The following FANCC variants were observed in gnomAD, a reference collection of about 807,000 sequenced individuals.
FANCC encodes the protein FA complementation group C.
A neutral mutation model predicts 71.3 loss-of-function variants in FANCC; 55 were observed. That is an observed-to-expected ratio of 0.77 (90% CI 0.62 to 0.97). The LOEUF is 0.97. Among genes scored for constraint, FANCC ranks in the 50% least tolerant of loss-of-function variants. The pLI is 0.00. For missense variants in FANCC, 678 were observed against 670.9 expected (o/e 1.01, Z -0.12); for synonymous variants, 275 against 244.9 (o/e 1.12, Z -1.15).
chr9:95,293,559 G>A (rs1473575370), intron 1 of FANCC: 13 of 1,612,780 alleles, frequency 8.1e-6, no homozygotes, highest in South Asian at 5.5e-5. Flanking sequence ...TCAGAAGAAC[G>A]GCATTTCTTC....
Position 95,117,328 on chromosome 9 carries a change from C to T in FANCC, c.1059G>A (p.Leu353=), listed in dbSNP as rs1588070620. ...ACCCTAACTCACCTTGAGGGTCTTG[C>T]AGCAGCACCATGGCAAGAGATGGAG... ...YTSPSLAMVL[L]QDPQDIPRGH... The change falls in exon 11 of 15, where the codon CTG becomes CTA. Residue 353 remains leucine (L), a synonymous_variant. Transcript: ENST00000289081. 6.2e-7 allele frequency: 1 copy of T among 1,614,048 alleles called. No individual in the cohort carries two copies. Among genetic ancestry groups the T allele is most frequent in the Non-Finnish European group, 8.5e-7 (1 of 1,180,004 alleles).
chr9:95,165,307 C>A (rs1372397297), intron 6 of FANCC, among the ~76,000 whole-genome samples: 1 of 151,258 alleles, frequency 6.6e-6, no homozygotes, highest in African/African-American at 2.4e-5. Context: ...TTAGTTTGTT[C>A]TTTTTCTAGT....
At chr9:95,144,070 G>A (rs775652429) in intron 7 of FANCC, among the ~76,000 whole-genome samples, 4 of 152,292 alleles carry the variant, frequency 2.6e-5, no homozygotes, top group South Asian at 2.1e-4. Flanking sequence ...GGCTAAACAC[G>A]GGTTAGAGTG....
At chr9:95,126,247 T>G (rs1397803553) in intron 9 of FANCC, among the ~76,000 whole-genome samples, 1 of 152,200 alleles carries the variant, frequency 6.6e-6, no homozygotes, top group Non-Finnish European at 1.5e-5. Context: ...ACATGAATAT[T>G]TCATGATATT....
chr9:95,165,046 A>T (rs544571522), intron 6 of FANCC, among the ~76,000 whole-genome samples: 3 of 151,618 alleles, frequency 2.0e-5, no homozygotes, highest in Admixed American at 1.3e-4. Flanking sequence ...TATTTATTCT[A>T]GGTTATTCAA....
chr9:95,287,254 T>A (rs1833745739), intron 1 of FANCC, among the ~76,000 whole-genome samples: 1 of 152,166 alleles, frequency 6.6e-6, no homozygotes, highest in Non-Finnish European at 1.5e-5. Context: ...TTTTTTATTG[T>A]TTTTTGTTGT....
chr9:95,238,342 T>C (rs961597888), intron 4 of FANCC, among the ~76,000 whole-genome samples: 2 of 152,224 alleles, frequency 1.3e-5, no homozygotes, highest in Non-Finnish European at 2.9e-5. Context: ...CCTAAGTGTA[T>C]CGACATTTAA....
chr9:95,268,140 G>A (rs532197708), intron 1 of FANCC, among the ~76,000 whole-genome samples: 133 of 152,202 alleles, frequency 8.7e-4, no homozygotes, highest in Non-Finnish European at 1.7e-3. Context: ...AGTAACTTTC[G>A]TTTTATACAA....
intron 7 of FANCC, among the ~76,000 whole-genome samples, chr9:95,136,034 T>A (rs1366971659): frequency 6.6e-6 from 1 of 152,192 alleles, no homozygotes; most frequent in African/African-American, 2.4e-5. Context: ...ATTAGCACAG[T>A]GCTTGGCACA....
At chr9:95,244,808 T>C (rs1830860802) in intron 3 of FANCC, among the ~76,000 whole-genome samples, 2 of 149,836 alleles carry the variant, frequency 1.3e-5, no homozygotes, top group African/African-American at 2.5e-5. Flanking sequence ...GATCACAAGA[T>C]GTGATCCAAT....
At chr9:95,311,745 G>GTGTGTGTA (rs1835419261) in intron 1 of FANCC, among the ~76,000 whole-genome samples, 1 of 150,966 alleles carries the variant, frequency 6.6e-6, no homozygotes, top group South Asian at 2.1e-4. Flanking sequence ...GTGTGTGTGT[G>GTGTGTGTA]AAAAACCGCA....
chr9:95,111,378 A>C (rs753743429), intron 13 of FANCC, 85 bp downstream of exon 13: 2 of 1,597,306 alleles, frequency 1.3e-6, no homozygotes, highest in African/African-American at 2.7e-5. Context: ...ATGGAAGCCA[A>C]GCCCACAACA....
intron 4 of FANCC, among the ~76,000 whole-genome samples, chr9:95,235,447 T>C (rs2136017736): frequency 6.6e-6 from 1 of 152,336 alleles, no homozygotes; most frequent in Non-Finnish European, 1.5e-5. Context: ...CACCATAAGT[T>C]ACAGGTGGAT....
chr9:95,271,126 G>A lies in FANCC; in HGVS notation c.-78-21757C>T, dbSNP rs114916392. ...TTTTTGGTTGTCACAGCTGGGAGAA[G>A]GATGTCACTGGCACCCAGTGGGCAG... On this transcript the variant is annotated intron_variant, in intron 1 of 14. Coordinates refer to ENST00000289081, the MANE Select transcript of FANCC (RefSeq NM_000136.3). Among the ~76,000 whole-genome samples, 1,348 of 152,262 alleles carry A rather than the reference G, an allele frequency of 8.9e-3. 23 individuals carry two copies. The highest frequency in any genetic ancestry group is 0.031 in the African/African-American group (1,282 of 41,548).
At chr9:95,247,209 A>AAG (rs1554857723) in intron 3 of FANCC, among the ~76,000 whole-genome samples, 2 of 127,482 alleles carry the variant, frequency 1.6e-5, no homozygotes, top group Admixed American at 1.6e-4. Flanking sequence ...GGGTGCGTGC[A>AAG]CGCGTGTGTG....
At chr9:95,267,289 T>C (rs989482763) in intron 1 of FANCC, among the ~76,000 whole-genome samples, 32 of 152,056 alleles carry the variant, frequency 2.1e-4, no homozygotes, top group African/African-American at 6.8e-4. Context: ...TTGCCTCCTA[T>C]GGAGTGGCGG....
intron 4 of FANCC, among the ~76,000 whole-genome samples, chr9:95,239,990 T>C (rs1830541444): frequency 6.6e-6 from 1 of 152,224 alleles, no homozygotes. Flanking sequence ...GAACAGCCAA[T>C]GCGCTGCTGG....
intron 4 of FANCC, among the ~76,000 whole-genome samples, chr9:95,230,104 A>AAT (rs1554854084): frequency 6.6e-6 from 1 of 151,124 alleles, no homozygotes; most frequent in Non-Finnish European, 1.5e-5. Flanking sequence ...TAAAAAAAAA[A>AAT]TTTTTTTAAG....
At chr9:95,149,883 G>GA in intron 7 of FANCC, 40 bp downstream of exon 7, 1 of 1,561,654 alleles carries the variant, frequency 6.4e-7, no homozygotes, top group Non-Finnish European at 8.7e-7. Context: ...CTAAGAAAAG[G>GA]AAAAACGACG....
Sources: allele counts gnomAD v4.1 joint callset (sites outside exome capture counted in the v4.1 genomes callset), GRCh38; gene constraint gnomAD v4.1.1; transcripts MANE v1.5; gene names NCBI Gene and HGNC (gene_info 2026-07-23, HGNC 2026-07-21).